The following TP73 variants were observed in gnomAD, a reference collection of about 807,000 sequenced individuals.
The protein encoded by TP73 is p53-like transcription factor.
TP73 carries 25 observed loss-of-function variants against 62.5 expected under a neutral mutation model. The ratio of observed to expected loss-of-function variants is 0.40; its 90% CI spans 0.29 to 0.56. TP73 has a LOEUF of 0.56. Among genes scored for constraint, TP73 ranks in the 20% least tolerant of loss-of-function variants. The pLI is 0.46. For synonymous variants in TP73, 423 were observed against 377.5 expected (o/e 1.12, Z -1.40); for missense variants, 754 against 913.3 (o/e 0.83, Z 2.25).
intron 3 of TP73, among the ~76,000 whole-genome samples, chr1:3,688,628 A>G (rs1645727632): frequency 6.6e-6 from 1 of 152,214 alleles, no homozygotes; most frequent in South Asian, 2.1e-4. Flanking sequence ...GTGTGGCCCC[A>G]GATCCCCTGT....
chr1:3,692,739 A>G (rs758517347), intron 3 of TP73, among the ~76,000 whole-genome samples: 1 of 151,814 alleles, frequency 6.6e-6, no homozygotes, highest in Non-Finnish European at 1.5e-5. Context: ...CTCTAGTACA[A>G]TCTTTTCCCT....
chr1:3,725,102 G>A (rs373278678), intron 6 of TP73, among the ~76,000 whole-genome samples: 5 of 152,200 alleles, frequency 3.3e-5, no homozygotes, highest in South Asian at 2.1e-4. Context: ...GGGTGGGTTC[G>A]CTGGGGACAG....
chr1:3,732,023 A>T (rs1642171615), intron 13 of TP73, among the ~76,000 whole-genome samples: 1 of 152,226 alleles, frequency 6.6e-6, no homozygotes, highest in African/African-American at 2.4e-5. Flanking sequence ...AGGCACCATG[A>T]TTAAACAGCC....
chr1:3,703,676 C>T (rs1474316550), intron 3 of TP73, among the ~76,000 whole-genome samples: 1 of 152,248 alleles, frequency 6.6e-6, no homozygotes, highest in Non-Finnish European at 1.5e-5. Flanking sequence ...TCCTGCTTCT[C>T]CCAAACAAGG....
At chr1:3,730,237 C>A in intron 11 of TP73, 89 bp downstream of exon 11, 1 of 1,357,738 alleles carries the variant, frequency 7.4e-7, no homozygotes, top group Non-Finnish European at 9.6e-7. Flanking sequence ...CAGCTCGGGA[C>A]CCAGGGCAGG....
chr1:3,731,308 CT>C (rs1570653420), intron 12 of TP73, among the ~76,000 whole-genome samples, 154 bp from the exon 13 acceptor site: 1 of 152,224 alleles, frequency 6.6e-6, no homozygotes, highest in Non-Finnish European at 1.5e-5. Context: ...AGCACGTCCC[CT>C]CCCTGAGGGA....
chr1:3,669,284 C>A lies in TP73; in HGVS notation c.-33-13049C>A, dbSNP rs537715140. Among the ~76,000 whole-genome samples the A allele has an allele frequency of 2.6e-5, 4 of 152,350 alleles. No homozygotes were observed. In the South Asian group the frequency reaches 8.3e-4, roughly 32 times the overall value. The stretch of plus-strand genomic sequence containing the variant: ...GGGGTGCAGAGAGCCCCTCTACGGC[C>A]TCCCAGGAGGCGGCTTGGAAATGCA... On this transcript the variant is annotated intron_variant, in intron 1 of 13. Transcript: ENST00000378295.
intron 1 of TP73, among the ~76,000 whole-genome samples, chr1:3,674,467 G>A (rs1202897873): frequency 6.6e-6 from 1 of 152,236 alleles, no homozygotes; most frequent in African/African-American, 2.4e-5. Context: ...CGGTGAGGGG[G>A]GCTCTCAGCC....
At chr1:3,671,548 G>C (rs1206197801) in intron 1 of TP73, among the ~76,000 whole-genome samples, 1 of 152,230 alleles carries the variant, frequency 6.6e-6, no homozygotes, top group Non-Finnish European at 1.5e-5. Flanking sequence ...CCCTGCAGGA[G>C]CCGGGGCCTC....
intron 4 of TP73, among the ~76,000 whole-genome samples, chr1:3,718,555 G>A (rs1313906763): frequency 7.3e-6 from 1 of 136,574 alleles, no homozygotes; most frequent in Non-Finnish European, 1.6e-5. Flanking sequence ...TGGGGCAGGG[G>A]CCTAGGGGAG....
At chr1:3,687,107 C>G (rs1557510442) in intron 3 of TP73, among the ~76,000 whole-genome samples, 2 of 152,234 alleles carry the variant, frequency 1.3e-5, no homozygotes, top group Non-Finnish European at 2.9e-5. Flanking sequence ...TGTCCCGTGC[C>G]TTAGGCTCTG....
chr1:3,716,491 T>G (rs1640606198), intron 4 of TP73, among the ~76,000 whole-genome samples: 1 of 152,218 alleles, frequency 6.6e-6, no homozygotes, highest in Middle Eastern at 3.2e-3. Flanking sequence ...CAGGGGCGAT[T>G]GCCACATGTG....
intron 4 of TP73, among the ~76,000 whole-genome samples, chr1:3,719,939 G>A (rs1383386269): frequency 4.5e-5 from 4 of 87,970 alleles, no homozygotes; most frequent in East Asian, 5.8e-4. Flanking sequence ...TGTGTGTGAC[G>A]GATTCTCACT....
Position 3,733,444 on chromosome 1 carries a change from A to C in TP73, c.*365A>C. On this transcript the variant is annotated 3_prime_UTR_variant, in exon 14 of 14. Transcript: ENST00000378295. The stretch of plus-strand genomic sequence containing the variant: ...TTCATCCTAGAGACTGTCATCTCCC[A>C]ACCAGGCGAGGTCCTTCCAAAGGAA... 1 of 321,664 alleles carries C rather than the reference A, an allele frequency of 3.1e-6. No individual in the cohort carries two copies. Among genetic ancestry groups the C allele is most frequent in the Non-Finnish European group, 5.8e-6 (1 of 171,920 alleles). The allele number at this position is 321,664 out of a possible 1,614,324, so 19.9% of individuals were successfully genotyped here. A position where few individuals can be genotyped will look rare whatever the true frequency, so the allele number is the denominator to read the frequency against.
intron 4 of TP73, among the ~76,000 whole-genome samples, chr1:3,713,503 G>T (rs932849931): frequency 5.9e-5 from 9 of 152,104 alleles, no homozygotes; most frequent in African/African-American, 2.2e-4. Context: ...AAGGTGGGGG[G>T]CTCAGCTGGG....
At chr1:3,656,622 G>A (rs1044271456) in intron 1 of TP73, among the ~76,000 whole-genome samples, 1 of 152,172 alleles carries the variant, frequency 6.6e-6, no homozygotes, top group Non-Finnish European at 1.5e-5. Context: ...TGCAAAGTAC[G>A]GGAGTGGGGA....
chr1:3,717,737 G>C (rs1640727176), intron 4 of TP73, among the ~76,000 whole-genome samples: 1 of 152,128 alleles, frequency 6.6e-6, no homozygotes, highest in African/African-American at 2.4e-5. Flanking sequence ...CCCTCTAGAA[G>C]GACCTGGATC....
chr1:3,692,537 A>G (rs1184938530), intron 3 of TP73, among the ~76,000 whole-genome samples: 1 of 152,188 alleles, frequency 6.6e-6, no homozygotes, highest in Non-Finnish European at 1.5e-5. Context: ...CGTTGCTATT[A>G]GAAACGCACA....
At position 3,731,012 on chromosome 1, in the gene TP73, G is replaced by A. The variant is rs777809568; in HGVS notation, c.1431G>A (p.Ser477=). 2.0e-5 allele frequency: 32 copies of A among 1,612,334 alleles called. No homozygotes were observed. Among genetic ancestry groups the A allele is most frequent in the African/African-American group, 6.7e-5 (5 of 74,904 alleles). ...GCCACAGCGCCCAGTCCATGGTCTC[G>A]GGGTCCCACTGCACTCCGCCACCCC... is the stretch of plus-strand genomic sequence containing the variant. The part of the protein sequence containing the change: ...SSSHSAQSMV[S]GSHCTPPPPY... The change falls in exon 12 of 14, where the codon TCG becomes TCA. Residue 477 remains serine (S), a synonymous_variant. Coordinates refer to ENST00000378295, the MANE Select transcript of TP73 (RefSeq NM_005427.4).
Sources: allele counts gnomAD v4.1 joint callset (sites outside exome capture counted in the v4.1 genomes callset), GRCh38; gene constraint gnomAD v4.1.1; transcripts MANE v1.5; gene names NCBI Gene and HGNC (gene_info 2026-07-23, HGNC 2026-07-21).